The following NOL4 variants were observed in gnomAD, a reference collection of about 807,000 sequenced individuals.
NOL4 encodes cancer/testis antigen 125.
NOL4 carries 17 observed loss-of-function variants against 75.9 expected under a neutral mutation model. That is an observed-to-expected ratio of 0.22 (90% CI 0.15 to 0.34). NOL4 has a LOEUF of 0.34. NOL4 is among the 10% of genes least tolerant of loss of function. NOL4 has a pLI of 1.00. For missense variants in NOL4, 614 were observed against 793.5 expected (o/e 0.77, Z 2.72); for synonymous variants, 292 against 289.9 (o/e 1.01, Z -0.07).
At chr18:34,047,114 A>T (rs956041478) in intron 5 of NOL4, among the ~76,000 whole-genome samples, 9 of 152,242 alleles carry the variant, frequency 5.9e-5, no homozygotes, top group Middle Eastern at 3.4e-3. Context: ...TTTATCCAAC[A>T]TTTTAATATA....
chr18:34,193,207 A>T (rs989806962), intron 1 of NOL4, among the ~76,000 whole-genome samples: 1 of 152,196 alleles, frequency 6.6e-6, no homozygotes, highest in Non-Finnish European at 1.5e-5. Flanking sequence ...CTGGACAATG[A>T]TTTTTTGATA....
chr18:33,989,788 C>T (rs1469368440), intron 6 of NOL4, among the ~76,000 whole-genome samples: 2 of 152,064 alleles, frequency 1.3e-5, no homozygotes, highest in Non-Finnish European at 2.9e-5. Context: ...TATTACCATA[C>T]CTGTGTTACA....
rs114292834 is a variant in NOL4 at position 34,148,126 on chromosome 18, C to T, written c.265-18106G>A. On this transcript the variant is annotated intron_variant, in intron 1 of 10. Transcript: ENST00000261592. Reference sequence around the variant, plus strand: ...TCTATTTTCTTGTTTGTCTGGCTAGCGATCTGTCTATTTTGTTGATCTTTT... The same window carrying T: ...TCTATTTTCTTGTTTGTCTGGCTAGTGATCTGTCTATTTTGTTGATCTTTT... Among the ~76,000 whole-genome samples, 1,339 of 151,884 alleles carry T rather than the reference C, an allele frequency of 8.8e-3. 20 individuals carry two copies. The highest frequency in any genetic ancestry group is 0.03 in the African/African-American group (1,244 of 41,478).
chr18:34,184,873 A>C (rs1261124630), intron 1 of NOL4, among the ~76,000 whole-genome samples: 1 of 152,158 alleles, frequency 6.6e-6, no homozygotes, highest in African/African-American at 2.4e-5. Flanking sequence ...TAAGTGGTGA[A>C]GAAGACATAC....
intron 6 of NOL4, among the ~76,000 whole-genome samples, chr18:34,012,056 T>G (rs916779762): frequency 7.9e-5 from 12 of 151,916 alleles, no homozygotes; most frequent in African/African-American, 2.9e-4. Context: ...GGAACATGCA[T>G]AGTAGGCATA....
rs1159670028 is a variant in NOL4 at position 33,928,006 on chromosome 18, G to A, written c.1542+15059C>T. 3.9e-5 allele frequency among the ~76,000 whole-genome samples: 6 copies of A among 152,122 alleles called. No individual in the cohort carries two copies. In the East Asian group the frequency reaches 1.2e-3, roughly 29 times the overall value. On this transcript the variant is annotated intron_variant, in intron 9 of 10. Coordinates refer to ENST00000261592, the MANE Select transcript of NOL4 (RefSeq NM_003787.5). ...AATACACATATATTGTTGTTTCACA[G>A]TAACTAATGGGTTTTAAAGTGGACA...
At position 33,956,674 on chromosome 18, in the gene NOL4, T is replaced by G. The variant is rs895808084; in HGVS notation, c.1428+652A>C. Among the ~76,000 whole-genome samples, 16 of 152,124 alleles carry G rather than the reference T, an allele frequency of 1.1e-4. 1 individual carries two copies. The highest frequency in any genetic ancestry group is 8.8e-5 in the Non-Finnish European group (6 of 68,018). Reference sequence around the variant, plus strand: ...GAATAAAGTTTAAAAATCATTGATTTCTAATCTCCACCCTATCAGTAATCT... The same window carrying G: ...GAATAAAGTTTAAAAATCATTGATTGCTAATCTCCACCCTATCAGTAATCT... On this transcript the variant is annotated intron_variant, in intron 8 of 10. Transcript: ENST00000261592.
At chr18:33,956,781 CAT>C (rs949909567) in intron 8 of NOL4, among the ~76,000 whole-genome samples, 2 of 152,270 alleles carry the variant, frequency 1.3e-5, no homozygotes, top group African/African-American at 4.8e-5. Flanking sequence ...CACAAATAAA[CAT>C]ATCCAGTACA....
At chr18:33,975,418 A>G (rs1276152982) in intron 6 of NOL4, among the ~76,000 whole-genome samples, 1 of 152,146 alleles carries the variant, frequency 6.6e-6, no homozygotes, top group Non-Finnish European at 1.5e-5. Context: ...CTTTTCCTTT[A>G]CTCTGATCTA....
rs116075571 is a variant in NOL4, at chr18:33,877,845, T to A, written c.1723+5399A>T. ...GTGTGATTGTGTGTGTGTGTGTGTG[T>A]GTGTGTGCGCTATCATACATGCTTC... On this transcript the variant is annotated intron_variant, in intron 10 of 10. Transcript: ENST00000261592. 6.3e-3 allele frequency among the ~76,000 whole-genome samples: 950 copies of A among 151,866 alleles called. 8 individuals carry two copies. The highest frequency in any genetic ancestry group is 0.021 in the African/African-American group (873 of 41,358).
chr18:34,165,235 TATA>T lies in NOL4; in HGVS notation c.265-35218_265-35216del, dbSNP rs1196340387. On this transcript the variant is annotated intron_variant, in intron 1 of 10. Transcript: ENST00000261592. ...TGCACATGTACCCTAAAACTTAAAG[TATA>T]ATAATAATAAAATAAAATAAAATAA... Among the ~76,000 whole-genome samples the T allele has an allele frequency of 4.8e-5, 6 of 125,540 alleles. No homozygotes were observed. The East Asian group carries it at 1.4e-3, about 28-fold the overall frequency. 82.4% of individuals were successfully genotyped at this position (125,540 alleles called of 152,430 possible). A position where few individuals can be genotyped will look rare whatever the true frequency, so the allele number is the denominator to read the frequency against.
chr18:34,212,717 T>C (rs1182062798), intron 1 of NOL4, among the ~76,000 whole-genome samples: 7 of 152,186 alleles, frequency 4.6e-5, no homozygotes, highest in Non-Finnish European at 1.0e-4. Context: ...CATTCCCTTG[T>C]GGTTGTAGAA....
intron 8 of NOL4, among the ~76,000 whole-genome samples, chr18:33,956,002 A>G (rs1447804073): frequency 6.6e-6 from 1 of 152,264 alleles, no homozygotes; most frequent in East Asian, 1.9e-4. Context: ...ACAGAAATAC[A>G]TGTATGCACC....
intron 9 of NOL4, among the ~76,000 whole-genome samples, chr18:33,889,042 GAC>G (rs1044010917): frequency 2.0e-4 from 31 of 152,104 alleles, no homozygotes; most frequent in African/African-American, 7.2e-4. Context: ...AGGAGATAGA[GAC>G]ACAAAGAATC....
At chr18:34,187,536 G>A (rs1183017520) in intron 1 of NOL4, among the ~76,000 whole-genome samples, 3 of 151,860 alleles carry the variant, frequency 2.0e-5, no homozygotes, top group Admixed American at 6.6e-5. Flanking sequence ...AGAGGCGCCC[G>A]CCACCACACT....
intron 1 of NOL4, among the ~76,000 whole-genome samples, chr18:34,171,149 AT>A (rs2032996348): frequency 1.3e-5 from 2 of 152,168 alleles, no homozygotes; most frequent in Admixed American, 1.3e-4. Flanking sequence ...ATTTACTGTT[AT>A]TAGTTCAATT....
intron 10 of NOL4, among the ~76,000 whole-genome samples, chr18:33,878,012 T>C (rs1003495850): frequency 2.6e-5 from 4 of 152,010 alleles, no homozygotes; most frequent in Admixed American, 6.6e-5. Flanking sequence ...TGAGTAGACC[T>C]TGAAGCTGGA....
intron 1 of NOL4, among the ~76,000 whole-genome samples, chr18:34,171,993 CA>C (rs1195166707): frequency 1.3e-5 from 2 of 151,972 alleles, no homozygotes; most frequent in African/African-American, 4.8e-5. Flanking sequence ...CTTGCCTGTA[CA>C]AAAGAATGAG....
chr18:33,879,270 T>A (rs539884033), intron 10 of NOL4, among the ~76,000 whole-genome samples: 4 of 152,246 alleles, frequency 2.6e-5, no homozygotes, highest in African/African-American at 9.6e-5. Context: ...TAAACTTTTT[T>A]TAAAAAGTTA....
Sources: gnomAD v4.1 joint callset for allele counts (sites outside exome capture counted in the v4.1 genomes callset) on GRCh38, gnomAD v4.1.1 for gene constraint, MANE v1.5 for transcripts, NCBI Gene and HGNC (gene_info 2026-07-23, HGNC 2026-07-21) for gene names.